FASTKD1: variants seen among roughly 807,000 people sequenced by gnomAD.
FASTKD1 encodes FAST kinase domains 1.
Under a neutral mutation model 90.9 loss-of-function variants are expected in FASTKD1, and 94 were observed. That is an observed-to-expected ratio of 1.03 (90% CI 0.88 to 1.23). FASTKD1 has a LOEUF of 1.23. Ranked by LOEUF, FASTKD1 falls within the 50% of genes most tolerant of loss-of-function variation. The pLI, the probability that FASTKD1 is intolerant of heterozygous loss-of-function variation, is 0.00. For synonymous variants in FASTKD1, 319 were observed against 345.8 expected (o/e 0.92, Z 0.86); for missense variants, 945 against 993.5 (o/e 0.95, Z 0.66).
In FASTKD1 at chr2:169,554,029, C is replaced by T. The variant is rs868715498; in HGVS notation, c.1214+1095G>A. On this transcript the variant is annotated intron_variant, in intron 7 of 14. Coordinates refer to ENST00000453153, the MANE Select transcript of FASTKD1 (RefSeq NM_024622.6). ...CTGAGGTGGTAGGATTGCTTGAGCC[C>T]GTGAGTTTGAAGATGTGGTAAGCTA... Among the ~76,000 whole-genome samples, 6 of 151,132 alleles carry T rather than the reference C, an allele frequency of 4.0e-5. No homozygotes were observed. The South Asian group carries it at 1.0e-3, about 26-fold the overall frequency.
intron 7 of FASTKD1, among the ~76,000 whole-genome samples, chr2:169,547,884 CAAAAAAAAAAAAAA>C (rs1158292826): frequency 9.8e-4 from 21 of 21,346 alleles, no homozygotes; most frequent in South Asian, 3.7e-3. Context: ...GACTCCATCT[CAAAAAAAAAAAAAA>C]AAAAAAAAAA....
At chr2:169,561,109 G>A (rs1233527334) in intron 4 of FASTKD1, among the ~76,000 whole-genome samples, 1 of 151,328 alleles carries the variant, frequency 6.6e-6, no homozygotes, top group Non-Finnish European at 1.5e-5. Context: ...GACCAGCCTG[G>A]CAACATGGTG....
rs906354358 is a variant in FASTKD1 at position 169,537,151 on chromosome 2, T to C, written c.2188+76A>G. ...AAAAAATTCAAAAAACTTTAAAAAA[T>C]TCCAACTGATAAGATGATTCTATTC... On this transcript the variant is annotated intron_variant, in intron 12 of 14. Coordinates refer to ENST00000453153, the MANE Select transcript of FASTKD1 (RefSeq NM_024622.6). 9.7e-6 allele frequency: 9 copies of C among 924,398 alleles called. No homozygotes were observed. The African/African-American group carries it at 1.5e-4, about 16-fold the overall frequency. The allele number at this position is 924,398 out of a possible 1,614,324, so 57.3% of individuals were successfully genotyped here. A position where few individuals can be genotyped will look rare whatever the true frequency, so the allele number is the denominator to read the frequency against.
chr2:169,555,836 C>T (rs1245352382), intron 6 of FASTKD1, among the ~76,000 whole-genome samples: 2 of 152,102 alleles, frequency 1.3e-5, no homozygotes, highest in Non-Finnish European at 2.9e-5. Flanking sequence ...CAACAAATGG[C>T]AGTATGACTT....
In FASTKD1 at chr2:169,554,383, G is replaced by A. The variant is rs898024396; in HGVS notation, c.1214+741C>T. On this transcript the variant is annotated intron_variant, in intron 7 of 14. Coordinates refer to ENST00000453153, the MANE Select transcript of FASTKD1 (RefSeq NM_024622.6). The stretch of plus-strand genomic sequence containing the variant: ...AAATTCTACATGAAAACACTTTTTC[G>A]CTGGGCATGGTGGCTCACATCTGTA... Among the ~76,000 whole-genome samples the A allele has an allele frequency of 8.2e-5, 12 of 146,200 alleles. No individual in the cohort carries two copies. The South Asian group carries it at 8.7e-4, about 11-fold the overall frequency.
rs1289087532 is a variant in FASTKD1, at chr2:169,563,212, T to A, written c.572+13A>T. 2 of 1,607,430 alleles carry A rather than the reference T, an allele frequency of 1.2e-6. No individual in the cohort carries two copies. The highest frequency in any genetic ancestry group is 1.7e-6 in the Non-Finnish European group (2 of 1,177,888). ...CTTTCCACCACAACACAAGATTCCC[T>A]AAATAAATTTACCTTAAGTCCTGTG... On this transcript the variant is annotated intron_variant, in intron 4 of 14. Transcript: ENST00000453153.
intron 14 of FASTKD1, among the ~76,000 whole-genome samples, chr2:169,530,340 C>T (rs1356386186): frequency 6.6e-6 from 1 of 151,938 alleles, no homozygotes; most frequent in Non-Finnish European, 1.5e-5. Context: ...GCTCTGTCAC[C>T]CAGGCTGGAG....
chr2:169,550,778 T>G (rs1685457687), intron 7 of FASTKD1, among the ~76,000 whole-genome samples: 1 of 152,228 alleles, frequency 6.6e-6, no homozygotes, highest in African/African-American at 2.4e-5. Flanking sequence ...TTCAAAATGA[T>G]TTTTATATAT....
intron 2 of FASTKD1, among the ~76,000 whole-genome samples, chr2:169,570,099 C>T (rs1684166146): frequency 1.3e-5 from 2 of 152,140 alleles, no homozygotes; most frequent in Admixed American, 6.5e-5. Context: ...AAACAACTTA[C>T]ACGTCTCTAA....
intron 3 of FASTKD1, among the ~76,000 whole-genome samples, chr2:169,565,995 A>C (rs1683960463): frequency 6.6e-6 from 1 of 152,144 alleles, no homozygotes; most frequent in Non-Finnish European, 1.5e-5. Flanking sequence ...ATCTCTACTC[A>C]AATCTTTTGC....
chr2:169,562,456 C>T (rs568481791), intron 4 of FASTKD1, among the ~76,000 whole-genome samples: 5 of 152,100 alleles, frequency 3.3e-5, no homozygotes, highest in African/African-American at 4.8e-5. Flanking sequence ...TGGTCTCGAA[C>T]TCCTGACATC....
chr2:169,548,693 C>G (rs1196800178), intron 7 of FASTKD1, among the ~76,000 whole-genome samples: 1 of 129,756 alleles, frequency 7.7e-6, no homozygotes, highest in African/African-American at 3.0e-5. Context: ...GATCACGCCA[C>G]TGCACTCCAG....
At chr2:169,565,363 C>A (rs1231460436) in intron 3 of FASTKD1, among the ~76,000 whole-genome samples, 1 of 147,238 alleles carries the variant, frequency 6.8e-6, no homozygotes, top group African/African-American at 2.5e-5. Flanking sequence ...CCCGAGTTCA[C>A]GCCATTCTCC....
chr2:169,533,348 C>T (rs558259378), intron 12 of FASTKD1, among the ~76,000 whole-genome samples: 1 of 152,198 alleles, frequency 6.6e-6, no homozygotes, highest in East Asian at 1.9e-4. Flanking sequence ...AACTCAGGCA[C>T]TGAACCATCT....
chr2:169,571,546 A>G, intron 2 of FASTKD1, 107 bp downstream of exon 2: 2 of 816,488 alleles, frequency 2.4e-6, no homozygotes, highest in Non-Finnish European at 3.7e-6. Flanking sequence ...CCTGGGCGAC[A>G]GAGACTCCTC....
chr2:169,554,453 C>T (rs1316252961), intron 7 of FASTKD1, among the ~76,000 whole-genome samples: 2 of 151,826 alleles, frequency 1.3e-5, no homozygotes, highest in Admixed American at 6.6e-5. Context: ...CACCTGAGGT[C>T]AGGAGTTCGA....
rs1170887064 is a variant in FASTKD1 at position 169,571,684 on chromosome 2, T to C, written c.346A>G (p.Thr116Ala). Residue 116 changes from threonine (T) to alanine (A), a missense_variant, in exon 2 of 15, where the codon ACC becomes GCC. Coordinates refer to ENST00000453153, the MANE Select transcript of FASTKD1 (RefSeq NM_024622.6). ...TNKFKLMNDD[T>A]LVNVLYVTQQ... Reference sequence around the variant, plus strand: ...GTGACGTATAACACATTCACCAGGGTATCGTCATTCATTAATTTGAATTTA... The same window carrying C: ...GTGACGTATAACACATTCACCAGGGCATCGTCATTCATTAATTTGAATTTA... The C allele has an allele frequency of 2.5e-6, 4 of 1,608,644 alleles. No individual in the cohort carries two copies. The highest frequency in any genetic ancestry group is 3.4e-6 in the Non-Finnish European group (4 of 1,175,584).
intron 7 of FASTKD1, among the ~76,000 whole-genome samples, chr2:169,550,472 T>C (rs1043952426): frequency 2.0e-5 from 3 of 152,150 alleles, no homozygotes; most frequent in Non-Finnish European, 4.4e-5. Flanking sequence ...CTTCTTTATA[T>C]TTTTTTCCTT....
At position 169,569,257 on chromosome 2, in the gene FASTKD1, A is replaced by G. The variant is rs1684129324; in HGVS notation, c.378-5T>C. On this transcript the variant is annotated splice_region_variant and splice_polypyrimidine_tract_variant and intron_variant, in intron 2 of 14. Coordinates refer to ENST00000453153, the MANE Select transcript of FASTKD1 (RefSeq NM_024622.6). ...TCATGGGCCTCACCAGCAAACCTTA[A>G]TAAAAAAGAAAGAATCCTCCATACA... 6.2e-7 allele frequency: 1 copy of G among 1,613,664 alleles called. No homozygotes were observed. The highest frequency in any genetic ancestry group is 1.1e-5 in the South Asian group (1 of 91,066).
Sources: allele counts gnomAD v4.1 joint callset (sites outside exome capture counted in the v4.1 genomes callset), GRCh38; gene constraint gnomAD v4.1.1; transcripts MANE v1.5; gene names NCBI Gene and HGNC (gene_info 2026-07-23, HGNC 2026-07-21).